The following SLAMF1 variants were observed in gnomAD, a reference collection of about 807,000 sequenced individuals.
SLAMF1 encodes signaling lymphocytic activation molecule family member 1.
Under a neutral mutation model 35.1 loss-of-function variants are expected in SLAMF1, and 18 were observed. The ratio of observed to expected loss-of-function variants is 0.51; its 90% CI spans 0.35 to 0.76. The LOEUF (loss-of-function observed/expected upper bound fraction) is 0.76, where lower values mean the gene tolerates loss of function less well. Ranked by LOEUF, SLAMF1 falls within the 30% of genes least tolerant of loss-of-function variation. The pLI, the probability that SLAMF1 is intolerant of heterozygous loss-of-function variation, is 0.01. For synonymous variants in SLAMF1, 168 were observed against 157.2 expected, an observed-to-expected ratio of 1.07 and a Z score of -0.51; for missense variants, 392 against 413.0, an observed-to-expected ratio of 0.95 and a Z score of 0.44.
chr1:160,619,952 G>A, intron 4 of SLAMF1, 103 bp from the exon 5 acceptor site: 1 of 777,204 alleles, frequency 1.3e-6, no homozygotes, highest in South Asian at 1.5e-5. Context: ...CTTTCCCCAA[G>A]GGCACAATGG....
rs774076055 is a variant in SLAMF1, at chr1:160,637,208, A to T, written c.398T>A (p.Leu133Gln). 6 of 1,613,806 alleles carry T rather than the reference A, an allele frequency of 3.7e-6. No homozygotes were observed. The highest frequency in any genetic ancestry group is 5.1e-6 in the Non-Finnish European group (6 of 1,179,678). Residue 133 changes from leucine (L) to glutamine (Q), a missense_variant, in exon 2 of 7, where the codon CTG (leucine) becomes CAG (glutamine). Leu to Gln is a moderately radical substitution (Grantham distance 113). Coordinates refer to ENST00000302035, the MANE Select transcript of SLAMF1 (RefSeq NM_003037.5). Reference protein sequence around the residue: ...EKNVSVQRFCLQLRLYEQVST... With the variant: ...EKNVSVQRFCQQLRLYEQVST... ...ATTATTACCATAAAGCCTCAACTGC[A>T]GGCAAAAGCGCTGAACTGAAACATT...
intron 3 of SLAMF1, among the ~76,000 whole-genome samples, chr1:160,627,011 G>C (rs930803246): frequency 2.6e-5 from 4 of 152,154 alleles, no homozygotes; most frequent in Non-Finnish European, 4.4e-5. Flanking sequence ...TTTATGTCAT[G>C]TATCTTAGAA....
Position 160,624,772 on chromosome 1 carries a change from C to T in SLAMF1, c.701-587G>A, listed in dbSNP as rs184267865. On this transcript the variant is annotated intron_variant, in intron 3 of 6. Transcript: ENST00000302035. ...ATCATCTTCATGTTTAAAATTAGCC[C>T]GAGAACTAATCATCAAGGCTCAAAA... Among the ~76,000 whole-genome samples the T allele has an allele frequency of 2.4e-4, 37 of 152,128 alleles. No individual in the cohort carries two copies. The East Asian group carries it at 3.9e-3, about 16-fold the overall frequency.
rs941640534 is a variant in SLAMF1, at chr1:160,615,274, A to G, written c.865-2694T>C. On this transcript the variant is annotated intron_variant, in intron 5 of 6. Coordinates refer to ENST00000302035, the MANE Select transcript of SLAMF1 (RefSeq NM_003037.5). ...TATGTCTTGTGTGTTTAAAATATAT[A>G]TGAAATTCAAATAATGACAAAACGG... 7.7e-4 allele frequency among the ~76,000 whole-genome samples: 117 copies of G among 152,122 alleles called. 1 individual carries two copies. The highest frequency in any genetic ancestry group is 2.6e-4 in the Non-Finnish European group (18 of 68,020).
intron 3 of SLAMF1, among the ~76,000 whole-genome samples, chr1:160,630,806 T>A (rs76358070): frequency 0.011 from 1,740 of 152,316 alleles, 13 homozygotes; most frequent in East Asian, 0.026. Flanking sequence ...TTAGTTCCTA[T>A]CACCTACAAG....
At chr1:160,615,267 A>AC (rs1659230618) in intron 5 of SLAMF1, among the ~76,000 whole-genome samples, 2 of 152,054 alleles carry the variant, frequency 1.3e-5, no homozygotes, top group South Asian at 4.1e-4. Context: ...GTGTGTTTAA[A>AC]ATATATATGA....
intron 1 of SLAMF1, 31 bp from the exon 2 acceptor site, chr1:160,637,560 T>C (rs1278769171): frequency 1.3e-6 from 2 of 1,482,326 alleles, no homozygotes; most frequent in Middle Eastern, 1.8e-4. Context: ...GAGTCCCTTA[T>C]TATTAAGGCC....
chr1:160,619,630 T>G, intron 5 of SLAMF1, 146 bp downstream of exon 5: 5 of 679,164 alleles, frequency 7.4e-6, no homozygotes, highest in Non-Finnish European at 1.3e-5. Context: ...TTTAGTGACT[T>G]TAGGAGAACT....
At chr1:160,636,809 G>A (rs1021756950) in intron 2 of SLAMF1, among the ~76,000 whole-genome samples, 7 of 152,206 alleles carry the variant, frequency 4.6e-5, no homozygotes, top group African/African-American at 1.7e-4. Flanking sequence ...CTGTCCTCAT[G>A]TAGGAGAGAC....
At position 160,610,415 on chromosome 1, in the gene SLAMF1, T is replaced by C. The variant is rs1463541464; in HGVS notation, c.*333A>G. 6 of 477,840 alleles carry C rather than the reference T, an allele frequency of 1.3e-5. No homozygotes were observed. Among genetic ancestry groups the C allele is most frequent in the African/African-American group, 9.8e-5 (5 of 51,060 alleles). 29.6% of individuals were successfully genotyped at this position (477,840 alleles called of 1,614,324 possible). A position where few individuals can be genotyped will look rare whatever the true frequency, so the allele number is the denominator to read the frequency against. On this transcript the variant is annotated 3_prime_UTR_variant, in exon 7 of 7. Coordinates refer to ENST00000302035, the MANE Select transcript of SLAMF1 (RefSeq NM_003037.5). The stretch of plus-strand genomic sequence containing the variant: ...GTCCTGGCTTTCAGTCTGATTTTTA[T>C]TATCCAGTTCCAGCCAAGAGCAAGA...
intron 1 of SLAMF1, among the ~76,000 whole-genome samples, chr1:160,643,391 T>C (rs1889792): frequency 0.25 from 37,430 of 152,128 alleles, 5,142 homozygotes; most frequent in South Asian, 0.4. Flanking sequence ...CCAGGCTTCA[T>C]GGCACCCTGG....
At position 160,610,529 on chromosome 1, in the gene SLAMF1, G is replaced by A. The variant is rs539935512; in HGVS notation, c.*219C>T. The A allele has an allele frequency of 4.3e-5, 25 of 578,608 alleles. No homozygotes were observed. Among genetic ancestry groups the A allele is most frequent in the South Asian group, 1.9e-4 (10 of 51,676 alleles). 35.8% of individuals were successfully genotyped at this position (578,608 alleles called of 1,614,324 possible). A position where few individuals can be genotyped will look rare whatever the true frequency, so the allele number is the denominator to read the frequency against. Reference sequence around the variant, plus strand: ...GTTATCAAGTAACGCTCTGTTCTGCGCCTGCAGCCACTGCACAGCAAGCTA... The same window carrying A: ...GTTATCAAGTAACGCTCTGTTCTGCACCTGCAGCCACTGCACAGCAAGCTA... On this transcript the variant is annotated 3_prime_UTR_variant, in exon 7 of 7. Coordinates refer to ENST00000302035, the MANE Select transcript of SLAMF1 (RefSeq NM_003037.5).
Position 160,642,387 on chromosome 1 carries a change from A to G in SLAMF1, c.76+4483T>C, listed in dbSNP as rs1660796890. ...ATAGGGAAGACTTTCCTGACTCCTG[A>G]CTTAGGTTGGGTTTTCCTGTCACAG... On this transcript the variant is annotated intron_variant, in intron 1 of 6. Coordinates refer to ENST00000302035, the MANE Select transcript of SLAMF1 (RefSeq NM_003037.5). The surrounding 1 kb of genome is among the most constrained non-coding windows in gnomAD (Gnocchi z 4.2). Among the ~76,000 whole-genome samples the G allele has an allele frequency of 1.3e-5, 2 of 152,078 alleles. No individual in the cohort carries two copies. Among genetic ancestry groups the G allele is most frequent in the Admixed American group, 1.3e-4 (2 of 15,268 alleles).
intron 5 of SLAMF1, among the ~76,000 whole-genome samples, chr1:160,616,437 A>T (rs164277): frequency 0.38 from 56,975 of 151,918 alleles, 13,703 homozygotes; most frequent in African/African-American, 0.68. Flanking sequence ...ACTCAGAAAC[A>T]TAAGTGGAAA....
Position 160,638,217 on chromosome 1 carries a change from A to T in SLAMF1, c.77-688T>A, listed in dbSNP as rs527692210. On this transcript the variant is annotated intron_variant, in intron 1 of 6. Transcript: ENST00000302035. Reference sequence around the variant, plus strand: ...GAGGGTTCCTGCTGCTGATTATTTCACACCTCCTCTCTCCTCAAACCCACA... The same window carrying T: ...GAGGGTTCCTGCTGCTGATTATTTCTCACCTCCTCTCTCCTCAAACCCACA... 3.3e-5 allele frequency among the ~76,000 whole-genome samples: 5 copies of T among 151,650 alleles called. No individual in the cohort carries two copies. The South Asian group carries it at 1.0e-3, about 32-fold the overall frequency.
intron 6 of SLAMF1, 84 bp downstream of exon 6, chr1:160,612,404 C>G: frequency 1.2e-6 from 1 of 846,202 alleles, no homozygotes; most frequent in Non-Finnish European, 1.9e-6. Flanking sequence ...CTCCCTCTTC[C>G]CACCTTAAAA....
intron 4 of SLAMF1, 138 bp from the exon 5 acceptor site, chr1:160,619,987 C>T: frequency 1.5e-6 from 1 of 686,790 alleles, no homozygotes; most frequent in Non-Finnish European, 2.6e-6. Flanking sequence ...GTCCCAGCCC[C>T]CCTGCACATT....
intron 6 of SLAMF1, among the ~76,000 whole-genome samples, chr1:160,611,363 T>C (rs897097543): frequency 6.6e-6 from 1 of 152,256 alleles, no homozygotes; most frequent in African/African-American, 2.4e-5. Context: ...ATTAAAAATC[T>C]ATGTATTTTT....
At chr1:160,627,004 A>T (rs1279569534) in intron 3 of SLAMF1, among the ~76,000 whole-genome samples, 1 of 152,106 alleles carries the variant, frequency 6.6e-6, no homozygotes, top group African/African-American at 2.4e-5. Flanking sequence ...CCTGTGGTTT[A>T]TGTCATGTAT....
Sources: gnomAD v4.1 joint callset for allele counts (sites outside exome capture counted in the v4.1 genomes callset) on GRCh38, gnomAD v4.1.1 for gene constraint, Gnocchi (gnomAD v3.1) non-coding constraint, MANE v1.5 for transcripts, NCBI Gene and HGNC (gene_info 2026-07-23, HGNC 2026-07-21) for gene names.